Variants in RASGRP1 observed in about 807,000 individuals in gnomAD.
RASGRP1 encodes RAS guanyl-releasing protein 1.
RASGRP1 carries 37 observed loss-of-function variants against 95.1 expected under a neutral mutation model. The ratio of observed to expected loss-of-function variants is 0.39; its 90% CI spans 0.30 to 0.51. The LOEUF is 0.51. RASGRP1 is among the 20% of genes least tolerant of loss of function. The probability of loss-of-function intolerance (pLI) is 0.80; values close to 1 mark genes in which losing one functional copy is unlikely to be tolerated. For synonymous variants in RASGRP1, 325 were observed against 353.4 expected (o/e 0.92, Z 0.90); for missense variants, 711 against 965.4 (o/e 0.74, Z 3.49).
chr15:38,503,206 T>C (rs1891108379), intron 11 of RASGRP1, 66 bp downstream of exon 11: 2 of 1,294,904 alleles, frequency 1.5e-6, no homozygotes, highest in Non-Finnish European at 2.2e-6. Context: ...CCTCTCCCTT[T>C]ACCCCACATA....
chr15:38,518,448 C>T, intron 4 of RASGRP1, 25 bp from the exon 5 acceptor site: 5 of 1,586,632 alleles, frequency 3.2e-6, no homozygotes, highest in Non-Finnish European at 4.3e-6. Flanking sequence ...TTAAAAAACA[C>T]AATCCAAAAC....
intron 15 of RASGRP1, among the ~76,000 whole-genome samples, chr15:38,497,764 T>G (rs1012788045): frequency 1.3e-5 from 2 of 152,218 alleles, no homozygotes; most frequent in African/African-American, 4.8e-5. Context: ...TCAAACATAC[T>G]CAAAGTCATT....
In RASGRP1 at chr15:38,551,297, G is replaced by A. The variant is rs544946572; in HGVS notation, c.220+8524C>T. Among the ~76,000 whole-genome samples, 49 of 152,194 alleles carry A rather than the reference G, an allele frequency of 3.2e-4. 1 individual carries two copies. In the South Asian group the frequency reaches 7.0e-3, roughly 22 times the overall value. On this transcript the variant is annotated intron_variant, in intron 2 of 16. Coordinates refer to ENST00000310803, the MANE Select transcript of RASGRP1 (RefSeq NM_005739.4). Reference sequence around the variant, plus strand: ...AAGGACTTTCTTCAAGTTTAATATCGTGATGGAGATACCCCATTACACCTT... The same window carrying A: ...AAGGACTTTCTTCAAGTTTAATATCATGATGGAGATACCCCATTACACCTT...
chr15:38,521,233 A>T (rs1891988141), intron 3 of RASGRP1, among the ~76,000 whole-genome samples: 1 of 152,142 alleles, frequency 6.6e-6, no homozygotes. Context: ...TACCTCTCAG[A>T]TTCTATATTT....
At chr15:38,525,120 A>G (rs1892165429) in intron 3 of RASGRP1, among the ~76,000 whole-genome samples, 1 of 151,892 alleles carries the variant, frequency 6.6e-6, no homozygotes, top group Non-Finnish European at 1.5e-5. Flanking sequence ...GGCATATGTC[A>G]CCATGCCCGG....
chr15:38,542,300 C>A (rs1892898782), intron 2 of RASGRP1, among the ~76,000 whole-genome samples: 1 of 152,136 alleles, frequency 6.6e-6, no homozygotes, highest in Non-Finnish European at 1.5e-5. Context: ...TTACAGGTTT[C>A]TTTGTTTCTT....
intron 2 of RASGRP1, among the ~76,000 whole-genome samples, chr15:38,532,517 G>GTGC (rs1892483475): frequency 6.6e-6 from 1 of 152,202 alleles, no homozygotes; most frequent in African/African-American, 2.4e-5. Flanking sequence ...GTTAGACTCA[G>GTGC]TGCTGGCATC....
rs1450235680 is a variant in RASGRP1, at chr15:38,498,901, A to G, written c.1766T>C (p.Phe589Ser). The G allele has an allele frequency of 1.9e-6, 3 of 1,613,782 alleles. No homozygotes were observed. Among genetic ancestry groups the G allele is most frequent in the Admixed American group, 1.7e-5 (1 of 60,010 alleles). ...GTTCTTGGCTCGCTTCTTACACTCA[A>G]ACACAACCAGATCTTTGCATTGTTT... is the stretch of plus-strand genomic sequence containing the variant. The part of the protein sequence containing the change: ...CHKQCKDLVV[F>S]ECKKRAKNPV... The change falls in exon 15 of 17, where the codon TTT becomes TCT. Residue 589 changes from phenylalanine (F) to serine (S), a missense_variant. Phe to Ser is a radical substitution (Grantham distance 155). Transcript: ENST00000310803.
Position 38,558,632 on chromosome 15 carries a change from G to A in RASGRP1, c.220+1189C>T, listed in dbSNP as rs566206408. On this transcript the variant is annotated intron_variant, in intron 2 of 16. Transcript: ENST00000310803. ...CTGGGGTTGGGGCCCAGCAATGTGTGCTAAAAAACAAAACAAAGAAACAAA... is the reference window on the plus strand; with the variant it reads ...CTGGGGTTGGGGCCCAGCAATGTGTACTAAAAAACAAAACAAAGAAACAAA... 2.0e-5 allele frequency among the ~76,000 whole-genome samples: 3 copies of A among 152,274 alleles called. No homozygotes were observed. The South Asian group carries it at 6.2e-4, about 32-fold the overall frequency.
chr15:38,562,325 G>T (rs1019695311), intron 1 of RASGRP1, among the ~76,000 whole-genome samples: 1 of 152,206 alleles, frequency 6.6e-6, no homozygotes, highest in South Asian at 2.1e-4. Context: ...ACTCTTTATG[G>T]TCATTTTCCA....
At chr15:38,542,887 ATATATGTG>A (rs1458532460) in intron 2 of RASGRP1, among the ~76,000 whole-genome samples, 1 of 140,558 alleles carries the variant, frequency 7.1e-6, no homozygotes, top group Non-Finnish European at 1.5e-5. Flanking sequence ...ATATATACAC[ATATATGTG>A]TATATATATA....
intron 2 of RASGRP1, among the ~76,000 whole-genome samples, chr15:38,545,581 T>G (rs1299163454): frequency 6.6e-6 from 1 of 152,040 alleles, no homozygotes. Flanking sequence ...ATATTAAATT[T>G]CTAATGGTAA....
At chr15:38,516,027 A>C (rs890834470) in intron 6 of RASGRP1, among the ~76,000 whole-genome samples, 170 bp downstream of exon 6, 18 of 151,978 alleles carry the variant, frequency 1.2e-4, no homozygotes, top group Non-Finnish European at 1.8e-4. Flanking sequence ...AGTCACAATC[A>C]AAGGAATTCA....
intron 15 of RASGRP1, among the ~76,000 whole-genome samples, chr15:38,498,469 G>A (rs59084375): frequency 0.049 from 7,380 of 152,080 alleles, 461 homozygotes; most frequent in African/African-American, 0.14. Context: ...CACTGTTTTG[G>A]GTTTGGAGCT....
chr15:38,564,645 C>A lies in RASGRP1; in HGVS notation c.-17G>T. The A allele has an allele frequency of 7.6e-7, 1 of 1,321,950 alleles. No individual in the cohort carries two copies. The highest frequency in any genetic ancestry group is 2.3e-5 in the South Asian group (1 of 43,950). 81.9% of individuals were successfully genotyped at this position (1,321,950 alleles called of 1,614,324 possible). Reference sequence around the variant, plus strand: ...GGTGCCCATGGCCGCGGCCCGCGCTCCCGGTGCCGGCTCACCTAGCGCGGC... The same window carrying A: ...GGTGCCCATGGCCGCGGCCCGCGCTACCGGTGCCGGCTCACCTAGCGCGGC... On this transcript the variant is annotated 5_prime_UTR_variant, in exon 1 of 17. Transcript: ENST00000310803.
rs1297059638 is a variant in RASGRP1 at position 38,489,425 on chromosome 15, A to G, written c.*1129T>C. On this transcript the variant is annotated 3_prime_UTR_variant, in exon 17 of 17. Coordinates refer to ENST00000310803, the MANE Select transcript of RASGRP1 (RefSeq NM_005739.4). ...ACCTTGTGAGCAATTTAATCTTGTGACAAACTGAACTTTATATTTGTGACT... is the reference window on the plus strand; with the variant it reads ...ACCTTGTGAGCAATTTAATCTTGTGGCAAACTGAACTTTATATTTGTGACT... 2 of 152,306 alleles carry G rather than the reference A, an allele frequency of 1.3e-5. No individual in the cohort carries two copies. Among genetic ancestry groups the G allele is most frequent in the Non-Finnish European group, 2.9e-5 (2 of 67,928 alleles). The allele number at this position is 152,306 out of a possible 1,614,324, so 9.4% of individuals were successfully genotyped here.
At chr15:38,498,744 T>G (rs1205383709) in intron 15 of RASGRP1, 50 bp downstream of exon 15, 1 of 1,588,010 alleles carries the variant, frequency 6.3e-7, no homozygotes, top group Admixed American at 1.8e-5. Context: ...TCTAAAACTT[T>G]TCCCTTCCTA....
intron 6 of RASGRP1, among the ~76,000 whole-genome samples, chr15:38,515,197 T>G (rs925981285): frequency 6.6e-6 from 1 of 152,202 alleles, no homozygotes; most frequent in Admixed American, 6.5e-5. Context: ...GAGAGAGGCA[T>G]GTAGTCCTAG....
intron 2 of RASGRP1, among the ~76,000 whole-genome samples, chr15:38,537,754 T>C (rs936099984): frequency 6.6e-6 from 1 of 152,112 alleles, no homozygotes; most frequent in Non-Finnish European, 1.5e-5. Context: ...ATCCCAACTA[T>C]ATTAGTAGCC....
Sources: allele counts gnomAD v4.1 joint callset (sites outside exome capture counted in the v4.1 genomes callset), GRCh38; gene constraint gnomAD v4.1.1; transcripts MANE v1.5; gene names NCBI Gene and HGNC (gene_info 2026-07-23, HGNC 2026-07-21).